The following TOPORS variants were observed in gnomAD, a reference collection of about 807,000 sequenced individuals.
TOPORS encodes the protein TOP1 binding arginine/serine rich protein, E3 ubiquitin ligase.
TOPORS carries 25 observed loss-of-function variants against 81.4 expected under a neutral mutation model. That is an observed-to-expected ratio of 0.31 (90% CI 0.22 to 0.43). TOPORS has a LOEUF of 0.43. TOPORS is among the 20% of genes least tolerant of loss of function. The pLI is 1.00. For synonymous variants in TOPORS, 473 were observed against 456.6 expected (o/e 1.04, Z -0.46); for missense variants, 1,101 against 1,267.0 (o/e 0.87, Z 1.99).
intron 2 of TOPORS, among the ~76,000 whole-genome samples, chr9:32,550,315 G>A (rs899766123): frequency 1.3e-5 from 2 of 152,142 alleles, no homozygotes; most frequent in African/African-American, 4.8e-5. Flanking sequence ...CCAAAGCCAC[G>A]GTGATAGTCG....
In TOPORS at chr9:32,542,734, T is replaced by C. The variant is rs768500306; in HGVS notation, c.1791A>G (p.Ser597=). ...YNHRHRKRGR[S]RSSDSRSQSR... ...TCTGAGAACGTGAATCTGAACTTCT[T>C]GATCTTCCCCTCTTTCTGTGTCTAT... Residue 597 remains serine, a synonymous_variant, in exon 3 of 3, where the codon TCA becomes TCG. Coordinates refer to ENST00000360538, the MANE Select transcript of TOPORS (RefSeq NM_005802.5). 2 of 1,614,058 alleles carry C rather than the reference T, an allele frequency of 1.2e-6. No individual in the cohort carries two copies. Among genetic ancestry groups the C allele is most frequent in the South Asian group, 1.1e-5 (1 of 91,088 alleles).
At chr9:32,549,907 T>C (rs2118978572) in intron 2 of TOPORS, among the ~76,000 whole-genome samples, 1 of 152,262 alleles carries the variant, frequency 6.6e-6, no homozygotes, top group South Asian at 2.1e-4. Context: ...TCCTATCAAA[T>C]TTATCCAGAT....
In TOPORS at chr9:32,550,917, GC is replaced by G. The variant is rs1563987092; in HGVS notation, c.54del (p.Pro20ArgfsTer48). 6.2e-7 allele frequency: 1 copy of G among 1,612,778 alleles called. No individual in the cohort carries two copies. Among genetic ancestry groups the G allele is most frequent in the South Asian group, 1.1e-5 (1 of 91,076 alleles). On this transcript the variant is annotated frameshift_variant, in exon 2 of 3. Transcript: ENST00000360538. LOFTEE classifies it high-confidence loss of function. ...CCCTCCGAAGCGGGAGCAGGCGGGG[GC>G]GCTTCACCCTCCTCGCGAGACAGCG... Reference protein sequence around the residue: ...GSPLSREEGEAPPPAPASEGR... With the variant: ...GSPLSREEGEXPPPAPASEGR...
chr9:32,544,354 A>G (rs756198202), intron 2 of TOPORS, 28 bp from the exon 3 acceptor site: 49 of 1,579,486 alleles, frequency 3.1e-5, no homozygotes, highest in Non-Finnish European at 4.2e-5. Context: ...ATATATCAGT[A>G]ACCTGATAAT....
Position 32,543,847 on chromosome 9 carries a change from T to A in TOPORS, c.678A>T (p.Glu226Asp). The A allele has an allele frequency of 6.2e-7, 1 of 1,614,194 alleles. No homozygotes were observed. Among genetic ancestry groups the A allele is most frequent in the Non-Finnish European group, 8.5e-7 (1 of 1,180,040 alleles). ...LGISTRPRDV[E>D]IPQFMRQIAV... ...CAATCTGTCTCATAAACTGAGGAAT[T>A]TCAACATCTCTAGGTCTTGTTGAAA... is the stretch of plus-strand genomic sequence containing the variant. Residue 226 changes from glutamate to aspartate, a missense_variant, in exon 3 of 3, where the codon GAA becomes GAT. This residue lies in a region of TOPORS where 120 missense variants were observed against 115.4 expected (regional missense o/e 1.04). Transcript: ENST00000360538. The surrounding 1 kb of genome is among the most constrained non-coding windows in gnomAD (Gnocchi z 5.6).
In TOPORS at chr9:32,542,539, TAGAGAC is replaced by T. The variant is rs1329150871; in HGVS notation, c.1980_1985del (p.Leu662_Ser663del). On this transcript the variant is annotated inframe_deletion, in exon 3 of 3. Transcript: ENST00000360538. ...TTGATCTGCTTGTGCTTTCACTACT[TAGAGAC>T]AGAGTTTGGCTTCTTCTGGACCAAC... 6.2e-7 allele frequency: 1 copy of T among 1,614,032 alleles called. No homozygotes were observed. Among genetic ancestry groups the T allele is most frequent in the Non-Finnish European group, 8.5e-7 (1 of 1,180,038 alleles).
In TOPORS at chr9:32,542,915, G is replaced by C. The variant is rs764570718; in HGVS notation, c.1610C>G (p.Ser537Cys). 3.7e-6 allele frequency: 6 copies of C among 1,614,162 alleles called. No homozygotes were observed. The highest frequency in any genetic ancestry group is 2.2e-5 in the East Asian group (1 of 44,888). ...TATTTGTTCATCCTTTCCAAGGACAGAGTGTGGAGATGAGCATCTACTAAC... is the reference window on the plus strand; with the variant it reads ...TATTTGTTCATCCTTTCCAAGGACACAGTGTGGAGATGAGCATCTACTAAC... The part of the protein sequence containing the change: ...SDVSRCSSPH[S>C]VLGKDEQINK... Residue 537 changes from serine to cysteine, a missense_variant, in exon 3 of 3, where the codon TCT (serine) becomes TGT (cysteine). This residue lies in a region of TOPORS where 605 missense variants were observed against 636.1 expected (regional missense o/e 0.95). Coordinates refer to ENST00000360538, the MANE Select transcript of TOPORS (RefSeq NM_005802.5).
intron 2 of TOPORS, among the ~76,000 whole-genome samples, chr9:32,544,770 T>C (rs950515571): frequency 1.3e-5 from 2 of 151,848 alleles, no homozygotes; most frequent in African/African-American, 4.8e-5. Context: ...AAGTACCAAA[T>C]ACCCATGTAT....
intron 2 of TOPORS, among the ~76,000 whole-genome samples, chr9:32,545,643 C>A (rs1312417610): frequency 6.6e-6 from 1 of 151,946 alleles, no homozygotes; most frequent in Non-Finnish European, 1.5e-5. Flanking sequence ...CACCTGTAAT[C>A]CCAGCTACTT....
rs1396463268 is a variant in TOPORS at position 32,542,947 on chromosome 9, A to G, written c.1578T>C (p.Asp526=). 3 of 1,614,174 alleles carry G rather than the reference A, an allele frequency of 1.9e-6. No individual in the cohort carries two copies. The highest frequency in any genetic ancestry group is 2.2e-5 in the South Asian group (2 of 91,084). ...QEQEQSYSSG[D]SDVSRCSSPH... ...GAGATGAGCATCTACTAACATCGCT[A>G]TCACCAGAACTGTAAGATTGCTCCT... is the stretch of plus-strand genomic sequence containing the variant. The change falls in exon 3 of 3, where the codon GAT becomes GAC. Residue 526 remains aspartate, a synonymous_variant. Transcript: ENST00000360538.
Position 32,542,730 on chromosome 9 carries a change from T to G in TOPORS, c.1795A>C (p.Ser599Arg), listed in dbSNP as rs886044315. 6.2e-7 allele frequency: 1 copy of G among 1,613,968 alleles called. No individual in the cohort carries two copies. The highest frequency in any genetic ancestry group is 8.5e-7 in the Non-Finnish European group (1 of 1,180,030). ...CTACTCTGAGAACGTGAATCTGAAC[T>G]TCTTGATCTTCCCCTCTTTCTGTGT... ...HRHRKRGRSR[S>R]SDSRSQSRSG... is the part of the protein sequence containing the mutation. The change falls in exon 3 of 3, where the codon AGT (serine) becomes CGT (arginine). Residue 599 changes from serine (S) to arginine (R), a missense_variant. Ser to Arg is a moderately radical substitution (Grantham distance 110). This residue lies in a region of TOPORS where 605 missense variants were observed against 636.1 expected (regional missense o/e 0.95). Coordinates refer to ENST00000360538, the MANE Select transcript of TOPORS (RefSeq NM_005802.5).
In TOPORS at chr9:32,550,775, T is replaced by A. The variant is rs770628368; in HGVS notation, c.197A>T (p.Glu66Val). The change falls in exon 2 of 3, where the codon GAG becomes GTG. Residue 66 changes from glutamate (E) to valine (V), a missense_variant and splice_region_variant. By Grantham distance (121) the Glu-to-Val change is moderately radical (BLOSUM62 -2). This residue lies in a region of TOPORS where 131 missense variants were observed against 101.0 expected (regional missense o/e 1.30). Transcript: ENST00000360538. ...APARPAPASS[E>V]IMASAAKEFK... ...CCCATTGTTCCGAATCTCACTCACC[T>A]CGGAGGATGCCGGCGCAGGCCTGGC... 1 of 1,612,716 alleles carries A rather than the reference T, an allele frequency of 6.2e-7. No homozygotes were observed. Among genetic ancestry groups the A allele is most frequent in the South Asian group, 1.1e-5 (1 of 91,058 alleles).
Position 32,542,453 on chromosome 9 carries a change from T to C in TOPORS, c.2072A>G (p.Tyr691Cys). The C allele has an allele frequency of 1.2e-6, 2 of 1,613,616 alleles. No homozygotes were observed. Among genetic ancestry groups the C allele is most frequent in the Non-Finnish European group, 1.7e-6 (2 of 1,179,990 alleles). The change falls in exon 3 of 3, where the codon TAT becomes TGT. Residue 691 changes from tyrosine (Y) to cysteine (C), a missense_variant. Around this residue, in one of 9 missense-constraint regions of TOPORS, gnomAD observed 605 missense variants for 636.1 expected, o/e 0.95. Transcript: ENST00000360538. ...TCTGCTTCCATAATTATTTCTTAAA[T>C]AATAACGATCTCTATTTCTGCTCCG... ...RSRSRNRDRY[Y>C]LRNNYGSRYK...
chr9:32,552,499 G>A lies in TOPORS; in HGVS notation c.-63C>T. On this transcript the variant is annotated 5_prime_UTR_variant, in exon 1 of 3. Transcript: ENST00000360538. ...TCAGTGGTAAGTCCCGGGGATCGCG[G>A]GCCCCCACCGTGTCGACTCACTGGG... The A allele has an allele frequency of 6.4e-7, 1 of 1,574,060 alleles. No homozygotes were observed. The highest frequency in any genetic ancestry group is 8.6e-7 in the Non-Finnish European group (1 of 1,159,846).
chr9:32,541,894 A>G lies in TOPORS; in HGVS notation c.2631T>C (p.Asp877=). ...TTTTCTTTTTATGGTGTTTAGTTGT[A>G]TCAGTAGCTTTTCCTTCATAAACTA... ...VEIVYEGKAT[D]TTKHHKKKKK... The change falls in exon 3 of 3, where the codon GAT becomes GAC. Residue 877 remains aspartate, a synonymous_variant. Coordinates refer to ENST00000360538, the MANE Select transcript of TOPORS (RefSeq NM_005802.5). 1 of 1,613,962 alleles carries G rather than the reference A, an allele frequency of 6.2e-7. No individual in the cohort carries two copies. Among genetic ancestry groups the G allele is most frequent in the Non-Finnish European group, 8.5e-7 (1 of 1,180,000 alleles).
intron 2 of TOPORS, among the ~76,000 whole-genome samples, chr9:32,547,714 G>A (rs1342093203): frequency 2.0e-5 from 3 of 152,212 alleles, no homozygotes; most frequent in South Asian, 4.1e-4. Context: ...GTTTATTTCT[G>A]GGGTGATGAA....
chr9:32,542,745 T>C lies in TOPORS; in HGVS notation c.1780A>G (p.Arg594Gly). The change falls in exon 3 of 3, where the codon AGG becomes GGG. Residue 594 changes from arginine (R) to glycine (G), a missense_variant. Coordinates refer to ENST00000360538, the MANE Select transcript of TOPORS (RefSeq NM_005802.5). ...YSPYNHRHRKRGRSRSSDSRS... is the reference protein window; with the variant it reads ...YSPYNHRHRKGGRSRSSDSRS... ...GAATCTGAACTTCTTGATCTTCCCCTCTTTCTGTGTCTATGGTTATATGGA... is the reference window on the plus strand; with the variant it reads ...GAATCTGAACTTCTTGATCTTCCCCCCTTTCTGTGTCTATGGTTATATGGA... The C allele has an allele frequency of 3.7e-6, 6 of 1,614,054 alleles. No individual in the cohort carries two copies. Among genetic ancestry groups the C allele is most frequent in the South Asian group, 1.1e-5 (1 of 91,088 alleles).
intron 2 of TOPORS, among the ~76,000 whole-genome samples, 168 bp from the exon 3 acceptor site, chr9:32,544,494 T>C (rs1004666930): frequency 3.9e-5 from 6 of 152,214 alleles, no homozygotes; most frequent in Admixed American, 1.3e-4. Context: ...AGTAATATAG[T>C]GCTTAAAGCA....
At position 32,542,091 on chromosome 9, in the gene TOPORS, G is replaced by A. The variant is rs140148864; in HGVS notation, c.2434C>T (p.Pro812Ser). The part of the protein sequence containing the change: ...HLEGTNEVAQ[P>S]SREFASKAKD... ...GCTTTAGAAGCAAATTCACGAGATGGCTGAGCCACTTCGTTAGTACCCTCC... is the reference window on the plus strand; with the variant it reads ...GCTTTAGAAGCAAATTCACGAGATGACTGAGCCACTTCGTTAGTACCCTCC... The change falls in exon 3 of 3, where the codon CCA becomes TCA. Residue 812 changes from proline (P) to serine (S), a missense_variant. This residue lies in a region of TOPORS where 605 missense variants were observed against 636.1 expected (regional missense o/e 0.95). Coordinates refer to ENST00000360538, the MANE Select transcript of TOPORS (RefSeq NM_005802.5). 36 of 1,613,924 alleles carry A rather than the reference G, an allele frequency of 2.2e-5. No homozygotes were observed. The African/African-American group carries it at 3.9e-4, about 17-fold the overall frequency.
Sources: allele counts gnomAD v4.1 joint callset (sites outside exome capture counted in the v4.1 genomes callset), GRCh38; gene constraint gnomAD v4.1.1; regional missense constraint gnomAD v4.1.1; non-coding constraint Gnocchi (gnomAD v3.1); transcripts MANE v1.5; gene names NCBI Gene and HGNC (gene_info 2026-07-23, HGNC 2026-07-21).